The following TBCA variants were observed in gnomAD, a reference collection of about 807,000 sequenced individuals.
TBCA encodes the protein tubulin-specific chaperone A.
TBCA carries 6 observed loss-of-function variants against 15.8 expected under a neutral mutation model. The ratio of observed to expected loss-of-function variants is 0.38; its 90% CI spans 0.21 to 0.75. TBCA has a LOEUF of 0.75. Ranked by LOEUF, TBCA falls within the 30% of genes least tolerant of loss-of-function variation. TBCA has a pLI of 0.46. For synonymous variants in TBCA, 32 were observed against 42.3 expected (o/e 0.76, Z 0.94); for missense variants, 90 against 131.2 (o/e 0.69, Z 1.53).
At chr5:77,744,262 T>C (rs1747117855) in intron 1 of TBCA, among the ~76,000 whole-genome samples, 1 of 152,134 alleles carries the variant, frequency 6.6e-6, no homozygotes, top group Non-Finnish European at 1.5e-5. Context: ...TGTGACAATT[T>C]CTGGAGACAA....
At chr5:77,771,656 T>G (rs1335962001) in intron 1 of TBCA, among the ~76,000 whole-genome samples, 1 of 152,162 alleles carries the variant, frequency 6.6e-6, no homozygotes, top group African/African-American at 2.4e-5. Flanking sequence ...ATGGCCGTCT[T>G]GCACGCATGG....
At chr5:77,752,360 TTTCC>T (rs950419763) in intron 1 of TBCA, among the ~76,000 whole-genome samples, 5 of 152,164 alleles carry the variant, frequency 3.3e-5, no homozygotes, top group Non-Finnish European at 7.3e-5. Flanking sequence ...TGTATAATTT[TTTCC>T]TTCCTTCCTT....
intron 1 of TBCA, among the ~76,000 whole-genome samples, chr5:77,712,558 ATAT>A (rs1292193302): frequency 6.6e-6 from 1 of 152,180 alleles, no homozygotes; most frequent in Non-Finnish European, 1.5e-5. Flanking sequence ...ACATATGTAC[ATAT>A]TTATAAAAAA....
intron 1 of TBCA, among the ~76,000 whole-genome samples, chr5:77,752,517 C>T (rs1000969109): frequency 1.3e-5 from 2 of 151,874 alleles, no homozygotes; most frequent in Admixed American, 6.6e-5. Context: ...GCACATGCCA[C>T]CATGTCCGGC....
intron 1 of TBCA, among the ~76,000 whole-genome samples, chr5:77,711,255 C>T (rs1438977835): frequency 6.6e-6 from 1 of 152,072 alleles, no homozygotes; most frequent in Non-Finnish European, 1.5e-5. Context: ...TGTTTTCATG[C>T]TATAAGAGCA....
intron 1 of TBCA, among the ~76,000 whole-genome samples, chr5:77,745,706 G>A (rs887670286): frequency 1.3e-5 from 2 of 152,182 alleles, no homozygotes; most frequent in East Asian, 1.9e-4. Context: ...TGCCTTATAC[G>A]TAGTAGATAT....
intron 1 of TBCA, among the ~76,000 whole-genome samples, chr5:77,756,959 A>C (rs1747490346): frequency 6.6e-6 from 1 of 152,210 alleles, no homozygotes; most frequent in Non-Finnish European, 1.5e-5. Context: ...AGATGGCAAA[A>C]GGGGTAAGGA....
At chr5:77,766,326 G>A (rs1216978123) in intron 1 of TBCA, among the ~76,000 whole-genome samples, 1 of 151,970 alleles carries the variant, frequency 6.6e-6, no homozygotes, top group Admixed American at 6.6e-5. Flanking sequence ...TCTCTTCCTA[G>A]TTTAAAAAAT....
At chr5:77,742,238 T>C (rs987529689) in intron 1 of TBCA, among the ~76,000 whole-genome samples, 1 of 152,180 alleles carries the variant, frequency 6.6e-6, no homozygotes, top group Non-Finnish European at 1.5e-5. Flanking sequence ...CATGAGCATT[T>C]CCTTTGAGTG....
rs991463703 is a variant in TBCA at position 77,763,631 on chromosome 5, T to A, written c.53+12574A>T. Among the ~76,000 whole-genome samples the A allele has an allele frequency of 6.6e-5, 10 of 152,026 alleles. 1 individual carries two copies. The highest frequency in any genetic ancestry group is 6.3e-3 in the Middle Eastern group (2 of 316). On this transcript the variant is annotated intron_variant, in intron 1 of 3. Coordinates refer to ENST00000380377, the MANE Select transcript of TBCA (RefSeq NM_004607.3). ...CCTTGTAAAAGAGACCTCAGAGAGCTCTCCAGATCTCTTCCCACCACTCGA... is the reference window on the plus strand; with the variant it reads ...CCTTGTAAAAGAGACCTCAGAGAGCACTCCAGATCTCTTCCCACCACTCGA...
At chr5:77,704,517 T>C (rs61297625) in intron 2 of TBCA, among the ~76,000 whole-genome samples, 2,715 of 152,264 alleles carry the variant, frequency 0.018, 77 homozygotes, top group African/African-American at 0.062. Context: ...GGAAGAAATC[T>C]AGGGAGAAGT....
chr5:77,755,570 T>C (rs879518087), intron 1 of TBCA, among the ~76,000 whole-genome samples: 4 of 151,616 alleles, frequency 2.6e-5, no homozygotes, highest in Non-Finnish European at 5.9e-5. Flanking sequence ...CGAGACTCCA[T>C]CTCAAAAAAT....
intron 1 of TBCA, among the ~76,000 whole-genome samples, chr5:77,716,638 A>C (rs2652211): frequency 0.38 from 58,171 of 151,960 alleles, 11,187 homozygotes; most frequent in South Asian, 0.41. Flanking sequence ...ATGGAGCTTC[A>C]GTACCTTGTC....
chr5:77,751,254 C>A (rs939295157), intron 1 of TBCA, among the ~76,000 whole-genome samples: 18 of 149,866 alleles, frequency 1.2e-4, no homozygotes, highest in African/African-American at 4.4e-4. Context: ...CTCCGCCTCC[C>A]AGGTTCAAGT....
At position 77,733,794 on chromosome 5, in the gene TBCA, C is replaced by T. The variant is rs6889002; in HGVS notation, c.54-25447G>A. Among the ~76,000 whole-genome samples the T allele has an allele frequency of 3.9e-3, 593 of 152,298 alleles. 4 individuals are homozygous for T. The highest frequency in any genetic ancestry group is 0.012 in the African/African-American group (499 of 41,574). ...TGAACAACAGATTTTTCAACATGAA[C>T]GAAACAGCTTTCTGTTGGAAGAAAA... On this transcript the variant is annotated intron_variant, in intron 1 of 3. Coordinates refer to ENST00000380377, the MANE Select transcript of TBCA (RefSeq NM_004607.3).
intron 1 of TBCA, among the ~76,000 whole-genome samples, chr5:77,774,848 C>T (rs994039347): frequency 6.6e-6 from 1 of 152,082 alleles, no homozygotes; most frequent in Admixed American, 6.6e-5. Flanking sequence ...ACTGCACTAC[C>T]CATGAGTTTG....
chr5:77,728,446 C>T (rs1046103035), intron 1 of TBCA, among the ~76,000 whole-genome samples: 3 of 152,030 alleles, frequency 2.0e-5, no homozygotes, highest in Admixed American at 1.3e-4. Context: ...GTATTATAAA[C>T]AGCAAGCTGA....
intron 2 of TBCA, among the ~76,000 whole-genome samples, chr5:77,706,508 G>C (rs1746152729): frequency 6.6e-6 from 1 of 152,046 alleles, no homozygotes; most frequent in South Asian, 2.1e-4. Flanking sequence ...GAGAAAAATA[G>C]AGAGAGTAAG....
intron 1 of TBCA, among the ~76,000 whole-genome samples, chr5:77,751,248 G>A (rs1471750993): frequency 2.2e-5 from 3 of 138,316 alleles, no homozygotes; most frequent in South Asian, 2.4e-4. Flanking sequence ...TGCAACCTCC[G>A]CCTCCCAGGT....
Sources: gnomAD v4.1 joint callset for allele counts (sites outside exome capture counted in the v4.1 genomes callset) on GRCh38, gnomAD v4.1.1 for gene constraint, MANE v1.5 for transcripts, NCBI Gene and HGNC (gene_info 2026-07-23, HGNC 2026-07-21) for gene names.